The following PPHLN1 variants were observed in gnomAD, a reference collection of about 807,000 sequenced individuals.
The protein encoded by PPHLN1 is periphilin-1.
A neutral mutation model predicts 51.3 loss-of-function variants in PPHLN1; 29 were observed. The ratio of observed to expected loss-of-function variants is 0.57; its 90% confidence interval spans 0.42 to 0.77. The LOEUF is 0.77. PPHLN1 is among the 30% of genes least tolerant of loss of function. The pLI, the probability that PPHLN1 is intolerant of heterozygous loss-of-function variation, is 0.00. For missense variants in PPHLN1, 436 were observed against 438.4 expected (o/e 0.99, Z 0.05); for synonymous variants, 147 against 147.8 (o/e 0.99, Z 0.04).
chr12:42,345,658 A>G (rs1290550297), intron 2 of PPHLN1, among the ~76,000 whole-genome samples: 1 of 151,120 alleles, frequency 6.6e-6, no homozygotes, highest in Non-Finnish European at 1.5e-5. Flanking sequence ...TTTTTAATAA[A>G]TAGAAGCAGT....
intron 9 of PPHLN1, among the ~76,000 whole-genome samples, chr12:42,416,821 G>A (rs2080430662): frequency 6.6e-6 from 1 of 152,118 alleles, no homozygotes; most frequent in African/African-American, 2.4e-5. Context: ...ACTGAAATTT[G>A]TAGATTTATA....
chr12:42,366,642 G>A (rs1592442740), intron 4 of PPHLN1, among the ~76,000 whole-genome samples: 1 of 151,958 alleles, frequency 6.6e-6, no homozygotes, highest in African/African-American at 2.4e-5. Context: ...GCCTGCCTCA[G>A]CCTCCCAAAG....
chr12:42,338,831 C>T lies in PPHLN1; in HGVS notation c.72+2857C>T, dbSNP rs1290187452. ...GTCTCTTTGGGTGTGATGTGGACCT[C>T]AGTATTGTTTAAAAGTTCAAGTGAT... On this transcript the variant is annotated intron_variant, in intron 2 of 9. Transcript: ENST00000358314. Among the ~76,000 whole-genome samples the T allele has an allele frequency of 2.6e-5, 4 of 152,048 alleles. No individual in the cohort carries two copies. The East Asian group carries it at 7.7e-4, about 29-fold the overall frequency.
chr12:42,351,006 A>G (rs1296809635), intron 2 of PPHLN1, among the ~76,000 whole-genome samples: 1 of 150,818 alleles, frequency 6.6e-6, no homozygotes, highest in East Asian at 2.0e-4. Context: ...CGGGAGAGGG[A>G]GAGGGGGAGG....
intron 2 of PPHLN1, among the ~76,000 whole-genome samples, chr12:42,338,010 C>G (rs2070943923): frequency 6.6e-6 from 1 of 152,098 alleles, no homozygotes; most frequent in Non-Finnish European, 1.5e-5. Context: ...TCTCGAATTC[C>G]TGACCTCAAG....
chr12:42,380,632 TAAAA>T (rs2076679330), intron 5 of PPHLN1, among the ~76,000 whole-genome samples: 1 of 152,088 alleles, frequency 6.6e-6, no homozygotes, highest in South Asian at 2.1e-4. Context: ...ATTCTTTTTT[TAAAA>T]AAACTATTCT....
At chr12:42,340,860 C>T (rs1027581823) in intron 2 of PPHLN1, among the ~76,000 whole-genome samples, 5 of 152,036 alleles carry the variant, frequency 3.3e-5, no homozygotes, top group African/African-American at 4.8e-5. Flanking sequence ...GTTGATAACC[C>T]ACTATCGTTA....
chr12:42,387,650 A>G, intron 7 of PPHLN1, 115 bp downstream of exon 7: 14 of 1,354,778 alleles, frequency 1.0e-5, no homozygotes, highest in Non-Finnish European at 1.4e-5. Context: ...TGCTGCATTT[A>G]AAAACTTAAA....
rs12578906 is a variant in PPHLN1, at chr12:42,349,606, A to C, written c.73-2279A>C. On this transcript the variant is annotated intron_variant, in intron 2 of 9. Transcript: ENST00000358314. The stretch of plus-strand genomic sequence containing the variant: ...TACTTGAGATTAGGGAGTGGTGATG[A>C]CTCTTAACGAGCATGCTGCCTTCAG... Among the ~76,000 whole-genome samples the C allele has an allele frequency of 7.1e-3, 1,082 of 151,712 alleles. 42 individuals are homozygous for C. The East Asian group carries it at 0.09, about 13-fold the overall frequency.
intron 2 of PPHLN1, among the ~76,000 whole-genome samples, chr12:42,349,096 T>C (rs982494393): frequency 1.3e-5 from 2 of 152,230 alleles, no homozygotes; most frequent in Admixed American, 1.3e-4. Context: ...GAGATTTGAA[T>C]AGTATATAGT....
chr12:42,378,568 A>G (rs957595085), intron 5 of PPHLN1, among the ~76,000 whole-genome samples: 1 of 151,306 alleles, frequency 6.6e-6, no homozygotes, highest in African/African-American at 2.4e-5. Flanking sequence ...TATAAATAAC[A>G]GGTTAAAATA....
At chr12:42,339,233 C>T (rs2137880743) in intron 2 of PPHLN1, among the ~76,000 whole-genome samples, 1 of 152,304 alleles carries the variant, frequency 6.6e-6, no homozygotes, top group Admixed American at 6.5e-5. Flanking sequence ...CCTGACCAGA[C>T]CTTGTACAGG....
intron 1 of PPHLN1, among the ~76,000 whole-genome samples, chr12:42,328,238 G>T (rs945233133): frequency 3.3e-5 from 5 of 152,190 alleles, no homozygotes; most frequent in African/African-American, 1.2e-4. Flanking sequence ...GTATGTGTTA[G>T]TCTGTTTGTG....
At chr12:42,329,860 G>A (rs2069427606) in intron 1 of PPHLN1, 2 of 152,134 alleles carry the variant, frequency 1.3e-5, no homozygotes, top group South Asian at 4.1e-4. Context: ...AAGACACAGA[G>A]ACAAAGTATA....
rs911596724 is a variant in PPHLN1 at position 42,398,863 on chromosome 12, A to C, written c.778A>C (p.Thr260Pro). The part of the protein sequence containing the change: ...PEISEYEAGS[T>P]APLFTDQPEE... ...CTAATTCCTTTTCAAGGCGGGATCC[A>C]CAGCACCATTGTTTACTGACCAGCC... Residue 260 changes from threonine (T) to proline (P), a missense_variant, in exon 9 of 10, where the codon ACA (threonine) becomes CCA (proline). By Grantham distance (38) the Thr-to-Pro change is conservative. Transcript: ENST00000358314. 2.5e-6 allele frequency: 4 copies of C among 1,613,458 alleles called. No individual in the cohort carries two copies. Among genetic ancestry groups the C allele is most frequent in the Non-Finnish European group, 2.5e-6 (3 of 1,179,782 alleles).
chr12:42,414,807 A>G (rs2080225278), intron 9 of PPHLN1, among the ~76,000 whole-genome samples: 1 of 152,200 alleles, frequency 6.6e-6, no homozygotes, highest in Admixed American at 6.5e-5. Flanking sequence ...GGCCTACTCC[A>G]TTGAATTCTT....
At chr12:42,445,391 C>G (rs927535401), downstream of PPHLN1, 1 of 444,248 alleles carries the variant, frequency 2.3e-6, no homozygotes, top group African/African-American at 2.0e-5. Flanking sequence ...CAGGTGTTAA[C>G]CCTAGAGGAC....
chr12:42,347,251 C>T (rs974990030), intron 2 of PPHLN1: 1 of 152,110 alleles, frequency 6.6e-6, no homozygotes, highest in Admixed American at 6.5e-5. Flanking sequence ...GGAGAAATGC[C>T]TGTTTATGGT....
intron 9 of PPHLN1, among the ~76,000 whole-genome samples, chr12:42,413,369 G>A (rs1309080339): frequency 6.6e-6 from 1 of 152,028 alleles, no homozygotes; most frequent in Non-Finnish European, 1.5e-5. Context: ...TTATGCATAG[G>A]GTGTCCTTTC....
Sources: allele counts gnomAD v4.1 joint callset (sites outside exome capture counted in the v4.1 genomes callset), GRCh38; gene constraint gnomAD v4.1.1; transcripts MANE v1.5; gene names NCBI Gene and HGNC (gene_info 2026-07-23, HGNC 2026-07-21).